KIF24: variants seen among roughly 807,000 people sequenced by gnomAD.
KIF24 encodes kinesin-like protein KIF24.
KIF24 carries 81 observed loss-of-function variants against 118.9 expected under a neutral mutation model. The ratio of observed to expected loss-of-function variants is 0.68; its 90% CI spans 0.57 to 0.82. The LOEUF (loss-of-function observed/expected upper bound fraction) is 0.82, where lower values mean the gene tolerates loss of function less well. KIF24 is among the 40% of genes least tolerant of loss of function. The pLI is 0.00. For synonymous variants in KIF24, 599 were observed against 610.0 expected (o/e 0.98, Z 0.27); for missense variants, 1,560 against 1,661.6 (o/e 0.94, Z 1.06).
At chr9:34,331,206 C>T (rs1587986396), upstream of KIF24, among the ~76,000 whole-genome samples, 1 of 152,250 alleles carries the variant, frequency 6.6e-6, no homozygotes, top group Non-Finnish European at 1.5e-5. Context: ...CTGTGGTGAA[C>T]AGTGTTGAGC....
At chr9:34,299,452 G>C (rs1836609889) in intron 3 of KIF24, among the ~76,000 whole-genome samples, 1 of 151,818 alleles carries the variant, frequency 6.6e-6, no homozygotes, top group Non-Finnish European at 1.5e-5. Flanking sequence ...AAAGTGCTGG[G>C]ATTACAGGTG....
intron 1 of KIF24, among the ~76,000 whole-genome samples, chr9:34,312,113 G>A (rs542116317): frequency 2.0e-5 from 3 of 152,148 alleles, no homozygotes; most frequent in Non-Finnish European, 4.4e-5. Flanking sequence ...CATTTGCTGA[G>A]TACTGGCAAA....
intron 1 of KIF24, among the ~76,000 whole-genome samples, chr9:34,313,740 T>G (rs549173822): frequency 1.6e-4 from 2 of 12,864 alleles, no homozygotes; most frequent in Non-Finnish European, 6.2e-4. Flanking sequence ...CGTTATCTGT[T>G]TTTTTTTTTT....
At chr9:34,269,994 C>T (rs1005831972) in intron 7 of KIF24, among the ~76,000 whole-genome samples, 1 of 151,368 alleles carries the variant, frequency 6.6e-6, no homozygotes, top group Non-Finnish European at 1.5e-5. Context: ...GAAGCCGAGG[C>T]AGGCAGATCA....
chr9:34,270,125 G>C (rs1020103198), intron 7 of KIF24, among the ~76,000 whole-genome samples: 8 of 151,930 alleles, frequency 5.3e-5, no homozygotes, highest in African/African-American at 1.9e-4. Flanking sequence ...GGGAGCTGAG[G>C]CAGGAGAATC....
chr9:34,306,249 T>A lies in KIF24; in HGVS notation c.813+3A>T, dbSNP rs1447210709. 1.3e-6 allele frequency: 2 copies of A among 1,573,332 alleles called. No individual in the cohort carries two copies. Among genetic ancestry groups the A allele is most frequent in the Non-Finnish European group, 8.6e-7 (1 of 1,159,038 alleles). On this transcript the variant is annotated splice_donor_region_variant and intron_variant, in intron 3 of 12. Transcript: ENST00000402558. ...TTCCAAACATAAAACGAAAACATCA[T>A]ACCTGCAGAATATATTGAGTGAGGT...
At chr9:34,287,150 C>A (rs1836082735) in intron 5 of KIF24, among the ~76,000 whole-genome samples, 1 of 152,140 alleles carries the variant, frequency 6.6e-6, no homozygotes, top group Non-Finnish European at 1.5e-5. Context: ...TTTGTATCTA[C>A]AAAGAGAGTT....
At position 34,276,402 on chromosome 9, in the gene KIF24, CAAAAAA is replaced by C. The variant is rs11419785; in HGVS notation, c.1216-4478_1216-4473del. Among the ~76,000 whole-genome samples, 8 of 80,706 alleles carry C rather than the reference CAAAAAA, an allele frequency of 9.9e-5. No homozygotes were observed. In the South Asian group the frequency reaches 2.5e-3, roughly 25 times the overall value. The allele number at this position is 80,706 out of a possible 152,430, so 52.9% of individuals were successfully genotyped here. ...GGGGGACAAGAGTGAAACTGCATCT[CAAAAAA>C]AAAAAAAAAAAAAGAATAAGAAAGT... On this transcript the variant is annotated intron_variant, in intron 6 of 12. Transcript: ENST00000402558.
chr9:34,255,252 T>C, intron 11 of KIF24, 87 bp from the exon 12 acceptor site: 1 of 829,772 alleles, frequency 1.2e-6, no homozygotes, highest in South Asian at 1.6e-5. Context: ...ATTTGTAAGC[T>C]GAGAGCTGCC....
intron 1 of KIF24, among the ~76,000 whole-genome samples, chr9:34,317,715 A>G (rs1232483426): frequency 6.6e-6 from 1 of 152,168 alleles, no homozygotes; most frequent in Non-Finnish European, 1.5e-5. Context: ...TACCAGATCA[A>G]CTGTGGGGTA....
intron 6 of KIF24, among the ~76,000 whole-genome samples, chr9:34,272,378 T>A (rs1300888729): frequency 1.3e-5 from 2 of 152,178 alleles, no homozygotes; most frequent in African/African-American, 4.8e-5. Context: ...GCAGGCCCGA[T>A]GTAGAAATAT....
chr9:34,299,819 T>C (rs1198512767), intron 3 of KIF24, among the ~76,000 whole-genome samples: 3,112 of 88,434 alleles, frequency 0.035, 110 homozygotes, highest in African/African-American at 0.092. Flanking sequence ...TGTGTGTGTG[T>C]GTGCGTGTGT....
chr9:34,259,624 T>A lies in KIF24; in HGVS notation c.1597A>T (p.Thr533Ser). Residue 533 changes from threonine to serine, a missense_variant, in exon 10 of 13, where the codon ACT (threonine) becomes TCT (serine). This residue lies in a region of KIF24 where 964 missense variants were observed against 988.0 expected (regional missense o/e 0.98). Transcript: ENST00000402558. Reference sequence around the variant, plus strand: ...TCAGCATAGCGCAAGGTGTTGAGAGTGTGTTCAGTGGCCACGTGGCTTGGT... The same window carrying A: ...TCAGCATAGCGCAAGGTGTTGAGAGAGTGTTCAGTGGCCACGTGGCTTGGT... ...ISPSHVATEH[T>S]LNTLRYADRV... 6.2e-7 allele frequency: 1 copy of A among 1,613,738 alleles called. No homozygotes were observed. The highest frequency in any genetic ancestry group is 2.2e-5 in the East Asian group (1 of 44,850).
At chr9:34,298,856 C>T (rs1267264435) in intron 3 of KIF24, among the ~76,000 whole-genome samples, 1 of 151,966 alleles carries the variant, frequency 6.6e-6, no homozygotes, top group Admixed American at 6.6e-5. Context: ...TGATAACTGA[C>T]TAGAGGTGGG....
chr9:34,293,049 T>C (rs1376211560), intron 4 of KIF24, among the ~76,000 whole-genome samples: 1 of 152,192 alleles, frequency 6.6e-6, no homozygotes, highest in Non-Finnish European at 1.5e-5. Flanking sequence ...CTAGATTTGG[T>C]GCCCTTACTA....
chr9:34,286,719 A>C lies in KIF24; in HGVS notation c.1128-15T>G. The C allele has an allele frequency of 1.3e-6, 2 of 1,586,794 alleles. No individual in the cohort carries two copies. The highest frequency in any genetic ancestry group is 1.7e-6 in the Non-Finnish European group (2 of 1,155,690). On this transcript the variant is annotated splice_polypyrimidine_tract_variant and intron_variant, in intron 5 of 12. Transcript: ENST00000402558. Reference sequence around the variant, plus strand: ...TTGCAAAGAGCCTGCAGATGCAAGAAAGTGGTTGGTATGATGGTGCTACTA... The same window carrying C: ...TTGCAAAGAGCCTGCAGATGCAAGACAGTGGTTGGTATGATGGTGCTACTA...
intron 1 of KIF24, chr9:34,319,033 G>A (rs1837426705): frequency 8.0e-7 from 1 of 1,243,946 alleles, no homozygotes; most frequent in South Asian, 1.2e-5. Context: ...AGCCACACTG[G>A]AATGAGAAAT....
intron 3 of KIF24, among the ~76,000 whole-genome samples, chr9:34,303,344 T>C (rs183593441): frequency 9.5e-5 from 14 of 147,718 alleles, no homozygotes; most frequent in Admixed American, 6.2e-4. Flanking sequence ...AAAAAGTATG[T>C]GTATTATTTA....
At chr9:34,298,270 C>T (rs911690377) in intron 3 of KIF24, among the ~76,000 whole-genome samples, 6 of 152,122 alleles carry the variant, frequency 3.9e-5, no homozygotes, top group Admixed American at 1.3e-4. Context: ...AGAGGCCGGG[C>T]GCAGTGGCTC....
Sources: gnomAD v4.1 joint callset for allele counts (sites outside exome capture counted in the v4.1 genomes callset) on GRCh38, gnomAD v4.1.1 for gene constraint, gnomAD v4.1.1 regional missense constraint, MANE v1.5 for transcripts, NCBI Gene and HGNC (gene_info 2026-07-23, HGNC 2026-07-21) for gene names.